SLC30A8: variants seen among roughly 807,000 people sequenced by gnomAD.
SLC30A8 encodes the protein solute carrier family 30 member 8, also known as proton-coupled zinc antiporter SLC30A8.
In SLC30A8, 27 loss-of-function variants were observed where a neutral mutation model predicts 36.9. That is an observed-to-expected ratio of 0.73 (90% confidence interval 0.54 to 1.01). The LOEUF (loss-of-function observed/expected upper bound fraction) is 1.01. SLC30A8 is among the 50% of genes least tolerant of loss of function. The pLI is 0.00. For synonymous variants in SLC30A8, 164 were observed against 172.4 expected, an observed-to-expected ratio of 0.95 and a Z score of 0.38; for missense variants, 439 against 452.0, an observed-to-expected ratio of 0.97 and a Z score of 0.26.
rs764495283 is a variant in SLC30A8, at chr8:117,097,418, A to AT, written c.-225-37862_-225-37861insT. On this transcript the variant is annotated intron_variant, in intron 2 of 10. Coordinates refer to the SLC30A8 transcript ENST00000427715. ...TCTCAAAAAAAAAAAAAAAAAAAAA[A>AT]ATATATATAAATATATATAATTATA... 2.2e-3 allele frequency among the ~76,000 whole-genome samples: 196 copies of AT among 89,198 alleles called. 6 individuals are homozygous for AT. Among genetic ancestry groups the AT allele is most frequent in the South Asian group, 3.9e-3 (14 of 3,600 alleles). The allele number at this position is 89,198 out of a possible 152,430, so 58.5% of individuals were successfully genotyped here.
intron 2 of SLC30A8, among the ~76,000 whole-genome samples, chr8:117,105,319 T>C (rs1819945474): frequency 6.6e-6 from 1 of 152,190 alleles, no homozygotes. Context: ...CTCTATCCAT[T>C]ATTCAGTTCC....
chr8:116,999,787 G>A (rs959127871), intron 1 of SLC30A8, among the ~76,000 whole-genome samples: 7 of 151,850 alleles, frequency 4.6e-5, no homozygotes, highest in South Asian at 2.1e-4. Context: ...ATATGCAGAG[G>A]TAAGTTAAAG....
intron 1 of SLC30A8, among the ~76,000 whole-genome samples, chr8:116,959,438 C>T (rs1011309280): frequency 6.6e-6 from 1 of 152,134 alleles, no homozygotes; most frequent in Non-Finnish European, 1.5e-5. Context: ...TTCAATTGAT[C>T]GATTTTTCTT....
At chr8:116,977,992 C>T (rs879798710) in intron 1 of SLC30A8, among the ~76,000 whole-genome samples, 5 of 140,982 alleles carry the variant, frequency 3.5e-5, no homozygotes, top group Non-Finnish European at 7.4e-5. Flanking sequence ...GGCTAGTACC[C>T]GAAGAGCATG....
At chr8:116,969,270 T>A (rs1814704325) in intron 1 of SLC30A8, among the ~76,000 whole-genome samples, 1 of 151,984 alleles carries the variant, frequency 6.6e-6, no homozygotes, top group African/African-American at 2.4e-5. Context: ...ATACAAAAAT[T>A]AGCTGGGCGT....
chr8:116,990,555 T>C (rs961162751), intron 1 of SLC30A8, among the ~76,000 whole-genome samples: 5 of 152,162 alleles, frequency 3.3e-5, no homozygotes, highest in African/African-American at 4.8e-5. Context: ...CAAAACTGTC[T>C]AACTTATGCA....
chr8:117,148,639 T>TTAAG (rs1424038827), intron 2 of SLC30A8, among the ~76,000 whole-genome samples: 2 of 152,142 alleles, frequency 1.3e-5, no homozygotes, highest in South Asian at 2.1e-4. Context: ...CACAGTATCT[T>TTAAG]TAAGTATTCA....
At chr8:117,017,002 G>A (rs1420918972) in intron 1 of SLC30A8, among the ~76,000 whole-genome samples, 6 of 152,108 alleles carry the variant, frequency 3.9e-5, no homozygotes, top group Non-Finnish European at 7.4e-5. Flanking sequence ...GGTTAAGAGA[G>A]TTAGAGTGCC....
intron 1 of SLC30A8, among the ~76,000 whole-genome samples, chr8:117,035,211 C>T (rs570446546): frequency 1.2e-4 from 19 of 152,336 alleles, no homozygotes; most frequent in African/African-American, 3.1e-4. Flanking sequence ...TCCAAAGTCT[C>T]ATCTGAAACA....
At chr8:117,106,667 C>G (rs149310034) in intron 2 of SLC30A8, among the ~76,000 whole-genome samples, 111 of 152,226 alleles carry the variant, frequency 7.3e-4, no homozygotes, top group African/African-American at 2.5e-3. Flanking sequence ...CTACCCTGTT[C>G]TATGTCCCCA....
At chr8:116,964,857 T>C (rs1814545428) in intron 1 of SLC30A8, among the ~76,000 whole-genome samples, 1 of 152,256 alleles carries the variant, frequency 6.6e-6, no homozygotes, top group African/African-American at 2.4e-5. Context: ...AGTAAATCTT[T>C]AAGTATCTAC....
At chr8:117,132,204 T>A (rs1263359393), upstream of SLC30A8, among the ~76,000 whole-genome samples, 2 of 152,040 alleles carry the variant, frequency 1.3e-5, no homozygotes, top group South Asian at 2.1e-4. Context: ...CTAGGGATAA[T>A]GATGGTAGCT....
At chr8:117,102,818 G>A (rs928977642) in intron 2 of SLC30A8, among the ~76,000 whole-genome samples, 1 of 152,020 alleles carries the variant, frequency 6.6e-6, no homozygotes, top group African/African-American at 2.4e-5. Flanking sequence ...TACAATACAT[G>A]ATGCATCTCA....
intron 2 of SLC30A8, among the ~76,000 whole-genome samples, chr8:117,108,337 T>G (rs1332713294): frequency 6.6e-6 from 1 of 152,154 alleles, no homozygotes; most frequent in Non-Finnish European, 1.5e-5. Flanking sequence ...ATAAGCAGAA[T>G]GGTGTTTAGA....
At chr8:117,161,413 A>G (rs1822785175) in intron 4 of SLC30A8, among the ~76,000 whole-genome samples, 2 of 152,188 alleles carry the variant, frequency 1.3e-5, no homozygotes, top group South Asian at 2.1e-4. Context: ...TCAACCTTCA[A>G]TAAAGGAGAT....
intron 2 of SLC30A8, among the ~76,000 whole-genome samples, chr8:117,112,124 A>G (rs1040023612): frequency 6.6e-6 from 1 of 152,148 alleles, no homozygotes; most frequent in Non-Finnish European, 1.5e-5. Flanking sequence ...TTCTTGAAAA[A>G]TTTAACTACT....
At chr8:117,002,567 A>G (rs556690737) in intron 1 of SLC30A8, among the ~76,000 whole-genome samples, 1 of 152,258 alleles carries the variant, frequency 6.6e-6, no homozygotes, top group South Asian at 2.1e-4. Flanking sequence ...ATGAGGATTC[A>G]GTGTTTCTAT....
intron 1 of SLC30A8, among the ~76,000 whole-genome samples, chr8:117,017,027 G>A (rs1311520671): frequency 6.6e-6 from 1 of 152,020 alleles, no homozygotes; most frequent in African/African-American, 2.4e-5. Flanking sequence ...TTTGTATCCT[G>A]GCTCTGATGC....
At chr8:117,001,179 CGTA>C (rs898847750) in intron 1 of SLC30A8, among the ~76,000 whole-genome samples, 5 of 141,832 alleles carry the variant, frequency 3.5e-5, no homozygotes, top group African/African-American at 1.3e-4. Context: ...GAACCAATAA[CGTA>C]GGAGAAAATA....
Sources: allele counts gnomAD v4.1 joint callset (sites outside exome capture counted in the v4.1 genomes callset), GRCh38; gene constraint gnomAD v4.1.1; transcripts MANE v1.5; gene names NCBI Gene and HGNC (gene_info 2026-07-23, HGNC 2026-07-21).